NXPE2: variants seen among roughly 807,000 people sequenced by gnomAD.
NXPE2 encodes the protein neurexophilin and PC-esterase domain family member 2, also known as NXPE family member 2.
In NXPE2, 34 loss-of-function variants were observed where a neutral mutation model predicts 34.4. That is an observed-to-expected ratio of 0.99 (90% CI 0.75 to 1.31). NXPE2 has a LOEUF of 1.31. NXPE2 is among the 40% of genes most tolerant of loss of function. The pLI is 0.00. For synonymous variants in NXPE2, 235 were observed against 231.3 expected, an observed-to-expected ratio of 1.02 and a Z score of -0.15; for missense variants, 649 against 672.5, an observed-to-expected ratio of 0.97 and a Z score of 0.39.
the NXPE2 span, among the ~76,000 whole-genome samples, chr11:114,492,021 AG>A: frequency 1.3e-5 from 2 of 151,962 alleles, no homozygotes; most frequent in African/African-American, 4.8e-5. Context: ...TGGTCGGGGG[AG>A]GGGGGACGGA....
intron 4 of NXPE2, 100 bp downstream of exon 4, chr11:114,704,152 C>A: frequency 1.2e-6 from 1 of 856,978 alleles, no homozygotes. Flanking sequence ...TTTGATCTCT[C>A]ATTTCCTGGG....
chr11:114,642,572 T>C, the NXPE2 span, among the ~76,000 whole-genome samples: 3 of 152,096 alleles, frequency 2.0e-5, no homozygotes, highest in Non-Finnish European at 2.9e-5. Flanking sequence ...GCTTCATCTA[T>C]GTCCCTGCAA....
At chr11:114,748,209 G>A in the NXPE2 span, among the ~76,000 whole-genome samples, 1 of 151,894 alleles carries the variant, frequency 6.6e-6, no homozygotes, top group African/African-American at 2.4e-5. Context: ...CAGAAAATTT[G>A]CAGGTATGGT....
the NXPE2 span, among the ~76,000 whole-genome samples, chr11:114,574,501 G>A: frequency 2.0e-5 from 3 of 152,004 alleles, no homozygotes; most frequent in African/African-American, 7.2e-5. Context: ...AGCTCAATTA[G>A]AAATAAAACA....
At chr11:114,761,789 T>C in the NXPE2 span, among the ~76,000 whole-genome samples, 4 of 151,708 alleles carry the variant, frequency 2.6e-5, no homozygotes, top group Admixed American at 2.0e-4. Context: ...TTAGCCAGGA[T>C]GGTCTCGATC....
At chr11:114,794,189 C>A in the NXPE2 span, among the ~76,000 whole-genome samples, 1 of 152,194 alleles carries the variant, frequency 6.6e-6, no homozygotes, top group African/African-American at 2.4e-5. Flanking sequence ...ACTTCCCCAG[C>A]CTCATTTCCA....
chr11:114,639,732 TATAAA>T, the NXPE2 span, among the ~76,000 whole-genome samples: 13,614 of 124,226 alleles, frequency 0.11, 1,077 homozygotes, highest in Middle Eastern at 0.28. Flanking sequence ...AGTAATATAA[TATAAA>T]ATAATATATA....
the NXPE2 span, among the ~76,000 whole-genome samples, chr11:114,638,263 T>G: frequency 6.6e-6 from 1 of 152,126 alleles, no homozygotes; most frequent in African/African-American, 2.4e-5. Flanking sequence ...CATCAGCTCC[T>G]GAGGCTTCTG....
At chr11:114,791,544 A>C in the NXPE2 span, among the ~76,000 whole-genome samples, 1 of 152,230 alleles carries the variant, frequency 6.6e-6, no homozygotes, top group African/African-American at 2.4e-5. Context: ...ATCAGTGCTG[A>C]TATGGCAGTG....
the NXPE2 span, among the ~76,000 whole-genome samples, chr11:114,652,200 G>A: frequency 3.3e-5 from 5 of 152,308 alleles, no homozygotes; most frequent in Admixed American, 3.3e-4. Context: ...ACTGAGAGGG[G>A]CTCTGAGACC....
chr11:114,704,152 C>T, intron 4 of NXPE2, 100 bp downstream of exon 4: 1 of 856,980 alleles, frequency 1.2e-6, no homozygotes, highest in Admixed American at 2.4e-5. Flanking sequence ...TTTGATCTCT[C>T]ATTTCCTGGG....
chr11:114,772,198 T>C, the NXPE2 span, among the ~76,000 whole-genome samples: 5 of 152,140 alleles, frequency 3.3e-5, no homozygotes, highest in African/African-American at 1.2e-4. Flanking sequence ...AAAGGATATC[T>C]AAGATAAGAT....
chr11:114,703,653 CATAGATAGATAGATAGATAG>C (rs58702498), intron 3 of NXPE2, among the ~76,000 whole-genome samples: 4 of 102,910 alleles, frequency 3.9e-5, no homozygotes, highest in South Asian at 3.6e-4. Flanking sequence ...TTAAAATAAG[CATAGATAGATAGATAGATAG>C]ATAGATAGAT....
At chr11:114,566,723 G>GCA in the NXPE2 span, among the ~76,000 whole-genome samples, 1 of 151,808 alleles carries the variant, frequency 6.6e-6, no homozygotes, top group Non-Finnish European at 1.5e-5. Context: ...CTCTATCTCT[G>GCA]TATATATAGA....
At chr11:114,570,717 G>T in the NXPE2 span, 1 of 429,580 alleles carries the variant, frequency 2.3e-6, no homozygotes, top group Non-Finnish European at 4.1e-6. Flanking sequence ...TGATCAAGAA[G>T]GGTAGGCTCT....
chr11:114,806,816 A>G, the NXPE2 span, among the ~76,000 whole-genome samples: 1 of 151,982 alleles, frequency 6.6e-6, no homozygotes, highest in Admixed American at 6.6e-5. Flanking sequence ...GCAGGCCAAC[A>G]TTCAGATTCA....
At chr11:114,638,369 A>AT in the NXPE2 span, among the ~76,000 whole-genome samples, 4 of 150,876 alleles carry the variant, frequency 2.7e-5, no homozygotes, top group African/African-American at 2.4e-5. Context: ...ATTCGTCTAA[A>AT]TTTTTTTTCA....
chr11:114,660,993 A>G, the NXPE2 span, among the ~76,000 whole-genome samples: 1 of 152,190 alleles, frequency 6.6e-6, no homozygotes, highest in African/African-American at 2.4e-5. Context: ...ATTAAAATTA[A>G]TAACACAGCA....
the NXPE2 span, among the ~76,000 whole-genome samples, chr11:114,569,669 T>C: frequency 6.6e-6 from 1 of 152,156 alleles, no homozygotes; most frequent in Non-Finnish European, 1.5e-5. Flanking sequence ...GCGCTGTCAC[T>C]CTGGCCGTAG....
Sources: gnomAD v4.1 joint callset for allele counts (sites outside exome capture counted in the v4.1 genomes callset) on GRCh38, gnomAD v4.1.1 for gene constraint, MANE v1.5 for transcripts, NCBI Gene and HGNC (gene_info 2026-07-23, HGNC 2026-07-21) for gene names.